The following AGBL4 variants were observed in gnomAD, a reference collection of about 807,000 sequenced individuals.
AGBL4 encodes AGBL carboxypeptidase 4.
Under a neutral mutation model 66.4 loss-of-function variants are expected in AGBL4, and 58 were observed. The observed-to-expected ratio is 0.87, with a 90% CI of 0.71 to 1.09. The LOEUF is 1.09. Ranked by LOEUF, AGBL4 falls within the 50% of genes least tolerant of loss-of-function variation. The pLI is 0.00. For synonymous variants in AGBL4, 234 were observed against 222.9 expected (o/e 1.05, Z -0.44); for missense variants, 579 against 631.0 (o/e 0.92, Z 0.88).
chr1:49,265,172 A>G (rs1015362411), intron 3 of AGBL4, among the ~76,000 whole-genome samples: 1 of 152,194 alleles, frequency 6.6e-6, no homozygotes, highest in African/African-American at 2.4e-5. Context: ...TAACTTAGGT[A>G]TGAGTAGTTT....
Position 48,587,185 on chromosome 1 carries a change from G to A in AGBL4, c.1105-19C>T, listed in dbSNP as rs1325919917. 1.4e-5 allele frequency: 21 copies of A among 1,534,342 alleles called. No individual in the cohort carries two copies. The highest frequency in any genetic ancestry group is 3.4e-4 in the Middle Eastern group (2 of 5,890). On this transcript the variant is annotated intron_variant, in intron 10 of 13. Coordinates refer to ENST00000371839, the MANE Select transcript of AGBL4 (RefSeq NM_032785.4). ...TGCTGGACTGTGAAAGACAGAGTAG[G>A]GAGGAGAGAATCACGGCACCTGCTG... is the stretch of plus-strand genomic sequence containing the variant.
At chr1:49,814,626 T>C (rs1207189429) in intron 2 of AGBL4, among the ~76,000 whole-genome samples, 5 of 152,164 alleles carry the variant, frequency 3.3e-5, no homozygotes, top group Admixed American at 6.6e-5. Context: ...GTTTCCAGCT[T>C]TTCTGAAGGC....
chr1:48,951,306 G>A (rs1422460677), intron 5 of AGBL4, among the ~76,000 whole-genome samples: 1 of 151,714 alleles, frequency 6.6e-6, no homozygotes. Flanking sequence ...GGTTTTGTGT[G>A]ACTACACTAA....
intron 1 of AGBL4, among the ~76,000 whole-genome samples, chr1:50,012,031 C>T (rs1044922003): frequency 2.6e-5 from 4 of 151,944 alleles, no homozygotes; most frequent in Admixed American, 2.0e-4. Flanking sequence ...CGGTGGCGGG[C>T]GCCTGTAGTC....
intron 2 of AGBL4, among the ~76,000 whole-genome samples, chr1:49,748,983 T>G (rs1355869195): frequency 6.6e-6 from 1 of 152,206 alleles, no homozygotes; most frequent in Admixed American, 6.5e-5. Flanking sequence ...TGATAGTTTC[T>G]TTTGCTGTGC....
At chr1:49,386,256 G>T (rs926824518) in intron 3 of AGBL4, among the ~76,000 whole-genome samples, 5 of 135,760 alleles carry the variant, frequency 3.7e-5, no homozygotes, top group African/African-American at 8.1e-5. Flanking sequence ...TTTTTGGATG[G>T]ATGGATGGAT....
chr1:49,591,183 A>T (rs981403179), intron 3 of AGBL4, among the ~76,000 whole-genome samples: 14 of 152,104 alleles, frequency 9.2e-5, no homozygotes, highest in African/African-American at 3.4e-4. Flanking sequence ...AAAAAAACAC[A>T]AAACAAAATA....
At chr1:49,697,545 G>T in intron 2 of AGBL4, 108 bp from the exon 3 acceptor site, 1 of 896,632 alleles carries the variant, frequency 1.1e-6, no homozygotes, top group Non-Finnish European at 1.6e-6. Flanking sequence ...TCAACATTCA[G>T]TACTTGAAGG....
At chr1:48,776,652 G>A in intron 6 of AGBL4, 1 of 1,492,136 alleles carries the variant, frequency 6.7e-7, no homozygotes, top group Non-Finnish European at 8.9e-7. Context: ...GCGCGCCCCA[G>A]TCGCGGGGGG....
intron 3 of AGBL4, among the ~76,000 whole-genome samples, chr1:49,436,126 G>A (rs1206146662): frequency 6.6e-6 from 1 of 152,104 alleles, no homozygotes; most frequent in Non-Finnish European, 1.5e-5. Context: ...AACAGAGAGA[G>A]GGGAAGTGTA....
At chr1:49,673,902 T>C (rs1002080200) in intron 3 of AGBL4, among the ~76,000 whole-genome samples, 1 of 151,924 alleles carries the variant, frequency 6.6e-6, no homozygotes, top group Non-Finnish European at 1.5e-5. Flanking sequence ...GGAAAGTGCA[T>C]AGAGGGCTAG....
chr1:49,381,654 T>G (rs1157556299), intron 3 of AGBL4, among the ~76,000 whole-genome samples: 1 of 152,098 alleles, frequency 6.6e-6, no homozygotes, highest in African/African-American at 2.4e-5. Flanking sequence ...CACCATGGAA[T>G]ACTATGCAGC....
chr1:49,273,419 CTA>C (rs1256722956), intron 3 of AGBL4, among the ~76,000 whole-genome samples: 1 of 150,340 alleles, frequency 6.7e-6, no homozygotes, highest in Non-Finnish European at 1.5e-5. Context: ...ATAATTTTGT[CTA>C]GTTTATAAAT....
chr1:49,487,472 C>A (rs1212952165), intron 3 of AGBL4, among the ~76,000 whole-genome samples: 2 of 151,872 alleles, frequency 1.3e-5, no homozygotes, highest in Non-Finnish European at 2.9e-5. Flanking sequence ...ATGCTGTTCT[C>A]CTCAGACAGA....
At chr1:48,693,532 G>A (rs1162641912) in intron 6 of AGBL4, among the ~76,000 whole-genome samples, 2 of 152,214 alleles carry the variant, frequency 1.3e-5, no homozygotes, top group Non-Finnish European at 2.9e-5. Context: ...ATGTAGACAG[G>A]TCAAGGCGTG....
chr1:48,549,121 A>G (rs1177116463), intron 11 of AGBL4, among the ~76,000 whole-genome samples: 1 of 152,186 alleles, frequency 6.6e-6, no homozygotes, highest in East Asian at 1.9e-4. Context: ...TCCCAGCAAC[A>G]GATGATCACC....
At chr1:49,563,039 G>T (rs1189415509) in intron 3 of AGBL4, among the ~76,000 whole-genome samples, 3 of 151,944 alleles carry the variant, frequency 2.0e-5, no homozygotes, top group South Asian at 2.1e-4. Flanking sequence ...CTTGTAAGTT[G>T]GATTCCTAGG....
intron 5 of AGBL4, among the ~76,000 whole-genome samples, chr1:49,024,050 T>C (rs934105176): frequency 7.2e-5 from 11 of 152,120 alleles, no homozygotes; most frequent in African/African-American, 1.2e-4. Context: ...GACCAAGATA[T>C]AGGGTCAATC....
rs374594404 is a variant in AGBL4 at position 49,381,911 on chromosome 1, C to G, written c.283-136047G>C. ...ACCTAATGCTAAATGACGAGTTAAT[C>G]GGTGCAGCACACCAGCATGGCACAT... is the stretch of plus-strand genomic sequence containing the variant. On this transcript the variant is annotated intron_variant, in intron 3 of 13. Transcript: ENST00000371839. Among the ~76,000 whole-genome samples, 74 of 151,630 alleles carry G rather than the reference C, an allele frequency of 4.9e-4. 1 individual carries two copies. The East Asian group carries it at 0.011, about 22-fold the overall frequency.
Sources: gnomAD v4.1 joint callset for allele counts (sites outside exome capture counted in the v4.1 genomes callset) on GRCh38, gnomAD v4.1.1 for gene constraint, MANE v1.5 for transcripts, NCBI Gene and HGNC (gene_info 2026-07-23, HGNC 2026-07-21) for gene names.